The following LRRC1 variants were observed in gnomAD, a reference collection of about 807,000 sequenced individuals.
LRRC1 encodes leucine-rich repeat-containing protein 1.
Under a neutral mutation model 69.9 loss-of-function variants are expected in LRRC1, and 28 were observed. The observed-to-expected ratio is 0.40, with a 90% CI of 0.30 to 0.55. The LOEUF (loss-of-function observed/expected upper bound fraction) is 0.55. Among genes scored for constraint, LRRC1 ranks in the 20% least tolerant of loss-of-function variants. The pLI, the probability that LRRC1 is intolerant of heterozygous loss-of-function variation, is 0.47. For missense variants in LRRC1, 498 were observed against 609.0 expected (o/e 0.82, Z 1.92); for synonymous variants, 236 against 240.2 (o/e 0.98, Z 0.16).
At chr6:53,919,229 CTTTTTTTTTTTTTT>C (rs879406589) in intron 11 of LRRC1, 3 of 72,276 alleles carry the variant, frequency 4.2e-5, no homozygotes, top group Admixed American at 2.2e-4. Flanking sequence ...TTTTCTCTCT[CTTTTTTTTTTTTTT>C]TTTTTTTTTT....
intron 1 of LRRC1, among the ~76,000 whole-genome samples, chr6:53,824,802 C>G (rs1352296108): frequency 2.0e-5 from 3 of 152,098 alleles, no homozygotes; most frequent in Admixed American, 2.0e-4. Flanking sequence ...ATCCTAGGGT[C>G]AAGAAGGTAC....
chr6:53,907,315 A>G (rs538517366), intron 10 of LRRC1, among the ~76,000 whole-genome samples: 63 of 152,326 alleles, frequency 4.1e-4, no homozygotes, highest in African/African-American at 1.4e-3. Flanking sequence ...TTGGTCTGGT[A>G]TGCTGTGTAG....
At chr6:53,798,478 A>G (rs1764367679) in intron 1 of LRRC1, among the ~76,000 whole-genome samples, 1 of 152,188 alleles carries the variant, frequency 6.6e-6, no homozygotes, top group South Asian at 2.1e-4. Context: ...TTCTGGGTTC[A>G]CACCATTCTC....
chr6:53,803,506 G>A (rs1328319441), intron 1 of LRRC1, among the ~76,000 whole-genome samples: 1 of 152,174 alleles, frequency 6.6e-6, no homozygotes, highest in Non-Finnish European at 1.5e-5. Flanking sequence ...TTTCTCTTGG[G>A]TATGATTTAG....
chr6:53,858,855 G>C (rs896790764), intron 2 of LRRC1, among the ~76,000 whole-genome samples: 10 of 152,214 alleles, frequency 6.6e-5, no homozygotes, highest in Non-Finnish European at 7.3e-5. Flanking sequence ...GAATAAATCA[G>C]AGATGATGGG....
intron 4 of LRRC1, chr6:53,883,870 C>A: frequency 1.4e-6 from 1 of 715,552 alleles, no homozygotes; most frequent in East Asian, 2.7e-5. Flanking sequence ...TCTGACATGT[C>A]TGTTTTGCAA....
chr6:53,812,689 CAAAAA>C (rs10580267), intron 1 of LRRC1, among the ~76,000 whole-genome samples: 9 of 79,112 alleles, frequency 1.1e-4, no homozygotes, highest in Non-Finnish European at 1.4e-4. Context: ...GACTCCGTCT[CAAAAA>C]AAAAAAAAAA....
chr6:53,907,287 T>C (rs1228754142), intron 10 of LRRC1, among the ~76,000 whole-genome samples: 4 of 152,200 alleles, frequency 2.6e-5, no homozygotes, highest in Admixed American at 6.5e-5. Context: ...CAAAAATCCA[T>C]AGTAGTATTA....
At position 53,922,867 on chromosome 6, in the gene LRRC1, T is replaced by C; in HGVS notation, c.*74T>C. On this transcript the variant is annotated 3_prime_UTR_variant, in exon 14 of 14. Coordinates refer to ENST00000370888, the MANE Select transcript of LRRC1 (RefSeq NM_018214.5). ...CGTTCCTGTCTGCTTCCCGGGAGCC[T>C]CACGTGCTCCTTGTCCTAACCAGCC... 1 of 1,458,560 alleles carries C rather than the reference T, an allele frequency of 6.9e-7. No individual in the cohort carries two copies. Among genetic ancestry groups the C allele is most frequent in the Non-Finnish European group, 9.4e-7 (1 of 1,061,860 alleles). 90.4% of individuals were successfully genotyped at this position (1,458,560 alleles called of 1,614,324 possible). A position where few individuals can be genotyped will look rare whatever the true frequency, so the allele number is the denominator to read the frequency against.
chr6:53,920,551 C>T (rs1487677743), intron 12 of LRRC1, 74 bp from the exon 13 acceptor site: 1 of 1,568,506 alleles, frequency 6.4e-7, no homozygotes, highest in African/African-American at 1.4e-5. Context: ...TCTACCTTGT[C>T]AGCCGCAAAG....
rs542640018 is a variant in LRRC1 at position 53,903,697 on chromosome 6, C to A, written c.907-682C>A. On this transcript the variant is annotated intron_variant, in intron 9 of 13. Transcript: ENST00000370888. The stretch of plus-strand genomic sequence containing the variant: ...GCACAGATGTGGGTGGGGAGCCCAG[C>A]AGCCCCTCTCCTCAGACAGCTGAAG... Among the ~76,000 whole-genome samples the A allele has an allele frequency of 4.6e-5, 7 of 152,296 alleles. No homozygotes were observed. In the East Asian group the frequency reaches 1.4e-3, roughly 29 times the overall value.
At chr6:53,804,249 A>G (rs1764573559) in intron 1 of LRRC1, among the ~76,000 whole-genome samples, 1 of 152,256 alleles carries the variant, frequency 6.6e-6, no homozygotes, top group African/African-American at 2.4e-5. Flanking sequence ...AAATTTTTTT[A>G]TTTTATTTTT....
At chr6:53,878,691 G>T (rs1767158708) in intron 2 of LRRC1, among the ~76,000 whole-genome samples, 1 of 152,138 alleles carries the variant, frequency 6.6e-6, no homozygotes, top group Non-Finnish European at 1.5e-5. Context: ...TTCCTCACAG[G>T]TACTGGTTTG....
chr6:53,878,947 TG>T (rs1191829937), intron 2 of LRRC1, 45 bp from the exon 3 acceptor site: 1 of 1,180,844 alleles, frequency 8.5e-7, no homozygotes, highest in Non-Finnish European at 1.3e-6. Context: ...TGATGAAAAC[TG>T]TTAATAATGG....
intron 2 of LRRC1, among the ~76,000 whole-genome samples, chr6:53,873,335 A>G (rs1257905382): frequency 6.8e-6 from 1 of 146,530 alleles, no homozygotes; most frequent in Non-Finnish European, 1.5e-5. Flanking sequence ...TCTGTTGCCC[A>G]GGCTACTGTG....
At chr6:53,862,333 A>C (rs1581882433) in intron 2 of LRRC1, among the ~76,000 whole-genome samples, 2 of 146,924 alleles carry the variant, frequency 1.4e-5, no homozygotes, top group African/African-American at 5.1e-5. Flanking sequence ...GTGTATGTTT[A>C]TGTATATAGT....
At chr6:53,847,089 A>G (rs1471110583) in intron 2 of LRRC1, among the ~76,000 whole-genome samples, 4 of 152,238 alleles carry the variant, frequency 2.6e-5, no homozygotes, top group Non-Finnish European at 5.9e-5. Context: ...CTGGTACTGC[A>G]AAACAGCAAT....
intron 1 of LRRC1, among the ~76,000 whole-genome samples, chr6:53,807,868 G>A (rs1358826108): frequency 2.6e-5 from 4 of 152,224 alleles, no homozygotes; most frequent in Admixed American, 1.3e-4. Flanking sequence ...CATTTGCATC[G>A]ATGGAGTGGG....
At chr6:53,837,158 T>C (rs1765635734) in intron 1 of LRRC1, among the ~76,000 whole-genome samples, 1 of 151,742 alleles carries the variant, frequency 6.6e-6, no homozygotes, top group Non-Finnish European at 1.5e-5. Flanking sequence ...TGGGGTATTA[T>C]AAATAATTCT....
Sources: gnomAD v4.1 joint callset for allele counts (sites outside exome capture counted in the v4.1 genomes callset) on GRCh38, gnomAD v4.1.1 for gene constraint, MANE v1.5 for transcripts, NCBI Gene and HGNC (gene_info 2026-07-23, HGNC 2026-07-21) for gene names.